Variants in L3MBTL4 observed in about 807,000 individuals in gnomAD.
L3MBTL4 encodes lethal(3)malignant brain tumor-like protein 4.
A neutral mutation model predicts 84.5 loss-of-function variants in L3MBTL4; 70 were observed. The observed-to-expected ratio is 0.83, with a 90% CI of 0.68 to 1.01. The LOEUF (loss-of-function observed/expected upper bound fraction) is 1.01, where lower values mean the gene tolerates loss of function less well. Ranked by LOEUF, L3MBTL4 falls within the 50% of genes least tolerant of loss-of-function variation. The pLI, the probability that L3MBTL4 is intolerant of heterozygous loss-of-function variation, is 0.00. For synonymous variants in L3MBTL4, 274 were observed against 259.8 expected (o/e 1.05, Z -0.52); for missense variants, 715 against 754.8 (o/e 0.95, Z 0.62).
intron 14 of L3MBTL4, among the ~76,000 whole-genome samples, chr18:6,107,316 G>A (rs541908241): frequency 4.6e-5 from 7 of 152,302 alleles, no homozygotes; most frequent in Non-Finnish European, 1.0e-4. Flanking sequence ...CCTTCCTTGT[G>A]ATGGGGACCA....
intron 16 of L3MBTL4, among the ~76,000 whole-genome samples, chr18:6,072,889 T>A (rs1427261839): frequency 0.18 from 1,872 of 10,360 alleles, 317 homozygotes; most frequent in East Asian, 0.4. Flanking sequence ...AAAATATATA[T>A]ATATATATAT....
chr18:6,302,881 C>T (rs779237579), intron 3 of L3MBTL4, among the ~76,000 whole-genome samples: 11 of 152,100 alleles, frequency 7.2e-5, no homozygotes, highest in South Asian at 4.1e-4. Flanking sequence ...ACCCCAGCTA[C>T]TCAGGAGGCT....
chr18:5,958,540 T>C (rs1329436418), intron 18 of L3MBTL4, among the ~76,000 whole-genome samples: 1 of 152,206 alleles, frequency 6.6e-6, no homozygotes, highest in East Asian at 1.9e-4. Context: ...ATCTATTATA[T>C]GGGTTTGATC....
chr18:6,138,223 G>C lies in L3MBTL4; in HGVS notation c.1170C>G (p.Ile390Met). 1 of 1,612,970 alleles carries C rather than the reference G, an allele frequency of 6.2e-7. No individual in the cohort carries two copies. Among genetic ancestry groups the C allele is most frequent in the Non-Finnish European group, 8.5e-7 (1 of 1,179,242 alleles). Residue 390 changes from isoleucine (I) to methionine (M), a missense_variant, in exon 14 of 19, where the codon ATC (isoleucine) becomes ATG (methionine). Physicochemically the swap from Ile to Met is conservative, Grantham distance 10. Coordinates refer to ENST00000317931, the MANE Select transcript of L3MBTL4 (RefSeq NM_001330559.2). ...GATGTCCCGAATAACGTGGACCACG[G>C]ATATGGCCTATTCCTCGGCACCCGG... ...PTPGCRGIGH[I>M]RGPRYSGHHS... is the part of the protein sequence containing the mutation.
chr18:6,227,821 C>T (rs942101561), intron 10 of L3MBTL4, among the ~76,000 whole-genome samples: 7 of 152,164 alleles, frequency 4.6e-5, no homozygotes, highest in Admixed American at 4.6e-4. Flanking sequence ...CAGGTGCATG[C>T]CGCCACACCT....
chr18:6,030,571 A>C, intron 16 of L3MBTL4: 1 of 773,904 alleles, frequency 1.3e-6, no homozygotes, highest in Non-Finnish European at 1.6e-6. Context: ...GCACGATCTC[A>C]GCTCACTGCC....
intron 17 of L3MBTL4, among the ~76,000 whole-genome samples, chr18:5,962,078 A>C (rs998936935): frequency 2.6e-5 from 4 of 152,070 alleles, no homozygotes; most frequent in African/African-American, 9.7e-5. Flanking sequence ...TTGAATTTTC[A>C]ATGAGTTGAT....
chr18:6,082,963 A>C (rs2058129362), intron 15 of L3MBTL4, among the ~76,000 whole-genome samples: 1 of 151,904 alleles, frequency 6.6e-6, no homozygotes, highest in African/African-American at 2.4e-5. Flanking sequence ...TCTCACAAAA[A>C]CTCTACAAGG....
chr18:6,059,265 A>T (rs1331291621), intron 16 of L3MBTL4, among the ~76,000 whole-genome samples: 1 of 152,220 alleles, frequency 6.6e-6, no homozygotes, highest in Non-Finnish European at 1.5e-5. Flanking sequence ...CATGCACCAG[A>T]CTTGTTGCTG....
At chr18:6,356,323 T>TA (rs1280664084) in intron 1 of L3MBTL4, among the ~76,000 whole-genome samples, 1 of 152,226 alleles carries the variant, frequency 6.6e-6, no homozygotes, top group African/African-American at 2.4e-5. Context: ...ATAACAGAGT[T>TA]ACGGCATTCT....
chr18:5,977,829 A>C (rs2053018599), intron 16 of L3MBTL4, among the ~76,000 whole-genome samples: 1 of 151,958 alleles, frequency 6.6e-6, no homozygotes, highest in African/African-American at 2.4e-5. Context: ...CTCAGGCCTC[A>C]TCACCCTCTG....
intron 16 of L3MBTL4, among the ~76,000 whole-genome samples, chr18:6,018,823 A>C (rs1276602223): frequency 6.6e-6 from 1 of 152,242 alleles, no homozygotes; most frequent in Non-Finnish European, 1.5e-5. Flanking sequence ...TGATTAGCAC[A>C]GGAAGAGACA....
At chr18:6,031,487 A>AT (rs1157873053) in intron 16 of L3MBTL4, 45 of 985,220 alleles carry the variant, frequency 4.6e-5, no homozygotes, top group African/African-American at 1.2e-4. Context: ...TCAGCATCTC[A>AT]TTTTTTTAAG....
intron 16 of L3MBTL4, among the ~76,000 whole-genome samples, chr18:5,980,582 C>T (rs529760995): frequency 2.7e-4 from 41 of 152,052 alleles, no homozygotes; most frequent in African/African-American, 9.6e-4. Context: ...CAGGCTTGCA[C>T]CACCACCCCT....
chr18:6,018,540 G>A (rs1413039790), intron 16 of L3MBTL4, among the ~76,000 whole-genome samples: 2 of 152,188 alleles, frequency 1.3e-5, no homozygotes, highest in Non-Finnish European at 2.9e-5. Context: ...AGTGGCATCA[G>A]CTACATCCAG....
chr18:5,990,449 C>G lies in L3MBTL4; in HGVS notation c.1445-20887G>C, dbSNP rs187044153. Among the ~76,000 whole-genome samples, 4 of 152,274 alleles carry G rather than the reference C, an allele frequency of 2.6e-5. No individual in the cohort carries two copies. The East Asian group carries it at 7.7e-4, about 29-fold the overall frequency. ...GGGACTTCAGGATACACTGAAAACA[C>G]TTGTAGAAAAGAATTTCTTGCACTT... is the stretch of plus-strand genomic sequence containing the variant. On this transcript the variant is annotated intron_variant, in intron 16 of 18. Transcript: ENST00000317931.
intron 16 of L3MBTL4, among the ~76,000 whole-genome samples, chr18:6,019,220 T>G (rs2055138298): frequency 6.6e-6 from 1 of 152,232 alleles, no homozygotes; most frequent in South Asian, 2.1e-4. Flanking sequence ...TGTGATATTA[T>G]GTAGAATCAA....
chr18:6,171,421 T>C (rs1345560233), intron 13 of L3MBTL4, among the ~76,000 whole-genome samples: 1 of 152,176 alleles, frequency 6.6e-6, no homozygotes, highest in Non-Finnish European at 1.5e-5. Context: ...AATCTGAAAA[T>C]TGTTGGAAGT....
chr18:6,146,274 C>G (rs2042647201), intron 13 of L3MBTL4, among the ~76,000 whole-genome samples: 1 of 152,236 alleles, frequency 6.6e-6, no homozygotes, highest in East Asian at 1.9e-4. Flanking sequence ...TCAGAGCCCA[C>G]ACAGGCAGCA....
Sources: gnomAD v4.1 joint callset for allele counts (sites outside exome capture counted in the v4.1 genomes callset) on GRCh38, gnomAD v4.1.1 for gene constraint, MANE v1.5 for transcripts, NCBI Gene and HGNC (gene_info 2026-07-23, HGNC 2026-07-21) for gene names.